The following HYDIN variants were observed in gnomAD, a reference collection of about 807,000 sequenced individuals.
HYDIN encodes the protein HYDIN axonemal central pair apparatus protein.
Under a neutral mutation model 403.9 loss-of-function variants are expected in HYDIN, and 132 were observed. That is an observed-to-expected ratio of 0.33 (90% confidence interval 0.28 to 0.38). The LOEUF is 0.38. Ranked by LOEUF, HYDIN falls within the 10% of genes least tolerant of loss-of-function variation. HYDIN has a pLI of 1.00. For missense variants in HYDIN, 2,827 were observed against 5,009.5 expected (o/e 0.56, Z 13.15); for synonymous variants, 1,202 against 1,891.7 (o/e 0.64, Z 9.46).
At chr16:70,822,053 G>C (rs1204755484) in intron 83 of HYDIN, among the ~76,000 whole-genome samples, 7 of 152,168 alleles carry the variant, frequency 4.6e-5, no homozygotes, top group Non-Finnish European at 7.3e-5. Flanking sequence ...AGATGAAGGA[G>C]TCATTTTGAC....
intron 62 of HYDIN, among the ~76,000 whole-genome samples, chr16:70,877,398 A>G (rs1390938139): frequency 6.6e-6 from 1 of 152,164 alleles, no homozygotes; most frequent in Non-Finnish European, 1.5e-5. Context: ...TGGACATATC[A>G]TAGTAAAACT....
chr16:71,063,796 C>T (rs2082166443), intron 16 of HYDIN, among the ~76,000 whole-genome samples: 1 of 152,102 alleles, frequency 6.6e-6, no homozygotes, highest in Admixed American at 6.6e-5. Context: ...TTTGCAGATG[C>T]CATGGATTGC....
chr16:70,894,111 T>C (rs1183716446), intron 55 of HYDIN: 6 of 202,666 alleles, frequency 3.0e-5, no homozygotes, highest in Non-Finnish European at 5.9e-5. Flanking sequence ...CTAAGTCTCT[T>C]CCTCCATTCC....
At chr16:71,069,545 C>A (rs746816008) in intron 13 of HYDIN, 43 bp from the exon 14 acceptor site, 4 of 1,506,188 alleles carry the variant, frequency 2.7e-6, no homozygotes, top group Non-Finnish European at 3.6e-6. Flanking sequence ...GCCCCCCCAA[C>A]ACCTCCCTTG....
intron 1 of HYDIN, chr16:71,203,936 A>G (rs1230055001): frequency 1.0e-5 from 4 of 397,302 alleles, no homozygotes; most frequent in Non-Finnish European, 9.9e-6. Context: ...ATGGTGGTGC[A>G]CACCTTTAGT....
chr16:70,931,656 C>T (rs1439528070), intron 45 of HYDIN, among the ~76,000 whole-genome samples: 1 of 152,112 alleles, frequency 6.6e-6, no homozygotes, highest in Non-Finnish European at 1.5e-5. Flanking sequence ...CAGCAGATTT[C>T]ATTTTATAGG....
intron 17 of HYDIN, among the ~76,000 whole-genome samples, 187 bp downstream of exon 17, chr16:71,061,982 C>T (rs2082103658): frequency 1.3e-5 from 2 of 151,656 alleles, no homozygotes; most frequent in Admixed American, 6.6e-5. Flanking sequence ...TTAGATGTAG[C>T]CATAAACAGA....
intron 42 of HYDIN, 111 bp downstream of exon 42, chr16:70,943,701 C>T (rs905237364): frequency 6.7e-5 from 95 of 1,420,802 alleles, no homozygotes; most frequent in African/African-American, 3.4e-4. Flanking sequence ...GACTGCCTTC[C>T]GGGCTGCCGA....
intron 60 of HYDIN, among the ~76,000 whole-genome samples, chr16:70,881,808 C>A (rs1180631584): frequency 1.3e-5 from 2 of 152,242 alleles, no homozygotes; most frequent in Non-Finnish European, 2.9e-5. Flanking sequence ...ACAATGCCAG[C>A]TCTGGGGCCT....
At chr16:70,851,278 G>GA (rs1051726332) in intron 73 of HYDIN, among the ~76,000 whole-genome samples, 7 of 141,750 alleles carry the variant, frequency 4.9e-5, no homozygotes, top group African/African-American at 1.3e-4. Context: ...TACAAACAGA[G>GA]AAAAAATGCA....
chr16:71,159,780 A>G (rs866194074), intron 6 of HYDIN, among the ~76,000 whole-genome samples: 1 of 152,022 alleles, frequency 6.6e-6, no homozygotes, highest in Admixed American at 6.5e-5. Context: ...GAGGAAAAAA[A>G]TATATATATA....
chr16:70,810,071 A>T lies in HYDIN; in HGVS notation c.14659-64T>A, dbSNP rs2143423166. On this transcript the variant is annotated intron_variant, in intron 84 of 85. Coordinates refer to ENST00000393567, the MANE Select transcript of HYDIN (RefSeq NM_001270974.2). ...CTAATTCATCACCTGCCACCTAGAG[A>T]CCTGCCCAAGGCTCCATAGCAGGTT... is the stretch of plus-strand genomic sequence containing the variant. 3 of 1,468,542 alleles carry T rather than the reference A, an allele frequency of 2.0e-6. No homozygotes were observed. The Admixed American group carries it at 5.0e-5, about 25-fold the overall frequency. 91.0% of individuals were successfully genotyped at this position (1,468,542 alleles called of 1,614,324 possible).
chr16:70,958,404 G>A (rs2078307387), intron 39 of HYDIN, among the ~76,000 whole-genome samples: 1 of 152,202 alleles, frequency 6.6e-6, no homozygotes, highest in Non-Finnish European at 1.5e-5. Context: ...AGAAGTGACT[G>A]AGCCTCCACT....
intron 9 of HYDIN, among the ~76,000 whole-genome samples, chr16:71,125,764 T>C (rs932815863): frequency 7.2e-5 from 11 of 152,172 alleles, no homozygotes; most frequent in Admixed American, 2.6e-4. Context: ...AAAAGCACTT[T>C]AGTGTCTTTC....
At chr16:71,116,743 C>A (rs552270168) in intron 9 of HYDIN, among the ~76,000 whole-genome samples, 2 of 151,796 alleles carry the variant, frequency 1.3e-5, no homozygotes, top group Admixed American at 1.3e-4. Context: ...TAAATGTATA[C>A]TTCTTGATAA....
rs549479865 is a variant in HYDIN, at chr16:70,819,361, T to C, written c.14428-789A>G. ...TTCACACAATTCGTAGGCACTGTTA[T>C]TATGCCACTTAACCTTTTAAAATTT... On this transcript the variant is annotated intron_variant, in intron 83 of 85. Coordinates refer to ENST00000393567, the MANE Select transcript of HYDIN (RefSeq NM_001270974.2). 3.8e-3 allele frequency among the ~76,000 whole-genome samples: 579 copies of C among 152,260 alleles called. 4 individuals carry two copies. The highest frequency in any genetic ancestry group is 0.013 in the African/African-American group (545 of 41,520).
In HYDIN at chr16:70,987,218, GAAGAGGAAGTAAAACCGGAATACA is replaced by G. The variant is rs1356238360; in HGVS notation, c.4194+682_4194+705del. Among the ~76,000 whole-genome samples, 1,425 of 151,700 alleles carry G rather than the reference GAAGAGGAAGTAAAACCGGAATACA, an allele frequency of 9.4e-3. 10 individuals are homozygous for G. Among genetic ancestry groups the G allele is most frequent in the Non-Finnish European group, 0.015 (1,010 of 67,822 alleles). On this transcript the variant is annotated intron_variant, in intron 27 of 85. Transcript: ENST00000393567. The stretch of plus-strand genomic sequence containing the variant: ...TCGGGAGGAAGTAAAACTGGAATAG[GAAGAGGAAGTAAAACCGGAATACA>G]AAGAGGAAGTAAAACCGGAATACGA...
At chr16:71,011,604 G>T (rs1261106671) in intron 23 of HYDIN, among the ~76,000 whole-genome samples, 5 of 151,618 alleles carry the variant, frequency 3.3e-5, no homozygotes, top group African/African-American at 9.7e-5. Flanking sequence ...CAGGTATAAT[G>T]GTGCACGCCT....
intron 10 of HYDIN, among the ~76,000 whole-genome samples, chr16:71,110,280 A>G (rs1248859925): frequency 6.9e-6 from 1 of 144,856 alleles, no homozygotes; most frequent in Non-Finnish European, 1.5e-5. Context: ...TATACATAAT[A>G]TATAATAGAT....
Sources: gnomAD v4.1 joint callset for allele counts (sites outside exome capture counted in the v4.1 genomes callset) on GRCh38, gnomAD v4.1.1 for gene constraint, MANE v1.5 for transcripts, NCBI Gene and HGNC (gene_info 2026-07-23, HGNC 2026-07-21) for gene names.